The following GRIP1 variants were observed in gnomAD, a reference collection of about 807,000 sequenced individuals.
The protein encoded by GRIP1 is glutamate receptor-interacting protein 1.
Under a neutral mutation model 129.9 loss-of-function variants are expected in GRIP1, and 45 were observed. The ratio of observed to expected loss-of-function variants is 0.35; its 90% confidence interval spans 0.27 to 0.44. The LOEUF (loss-of-function observed/expected upper bound fraction) is 0.44. Among genes scored for constraint, GRIP1 ranks in the 20% least tolerant of loss-of-function variants. The pLI is 1.00. For missense variants in GRIP1, 1,196 were observed against 1,396.8 expected (o/e 0.86, Z 2.29); for synonymous variants, 530 against 520.8 (o/e 1.02, Z -0.24).
intron 1 of GRIP1, among the ~76,000 whole-genome samples, chr12:66,783,123 C>G (rs1218570378): frequency 6.6e-6 from 1 of 152,034 alleles, no homozygotes; most frequent in African/African-American, 2.4e-5. Context: ...CTCTGCCTCC[C>G]GGGTTCAAGC....
intron 13 of GRIP1, among the ~76,000 whole-genome samples, chr12:66,444,279 G>T (rs1035524091): frequency 1.3e-5 from 2 of 151,682 alleles, no homozygotes; most frequent in Non-Finnish European, 2.9e-5. Context: ...GAGGTCAGGA[G>T]ATCGAGACCA....
chr12:66,939,332 G>T (rs956625980), intron 1 of GRIP1, among the ~76,000 whole-genome samples: 2 of 148,630 alleles, frequency 1.3e-5, no homozygotes, highest in Non-Finnish European at 3.0e-5. Flanking sequence ...GGGCGACAGA[G>T]CAAGACCCTG....
intron 7 of GRIP1, among the ~76,000 whole-genome samples, chr12:66,479,432 C>G (rs1001324562): frequency 5.9e-5 from 9 of 152,046 alleles, no homozygotes; most frequent in Non-Finnish European, 1.2e-4. Flanking sequence ...AATTAATAGT[C>G]TACCAACCAA....
At chr12:66,378,551 G>A (rs528044699) in intron 20 of GRIP1, among the ~76,000 whole-genome samples, 231 of 151,976 alleles carry the variant, frequency 1.5e-3, no homozygotes, top group African/African-American at 5.4e-3. Context: ...GTTCGAGACC[G>A]GCCTGGTCAA....
At chr12:66,895,111 C>T (rs957266542) in intron 1 of GRIP1, among the ~76,000 whole-genome samples, 2 of 152,172 alleles carry the variant, frequency 1.3e-5, no homozygotes, top group African/African-American at 4.8e-5. Context: ...TTCACCACAC[C>T]CATTCTTGGG....
rs1357060639 is a variant in GRIP1, at chr12:66,825,696, C to T, written c.59-228769G>A. Among the ~76,000 whole-genome samples, 6 of 152,288 alleles carry T rather than the reference C, an allele frequency of 3.9e-5. No individual in the cohort carries two copies. The South Asian group carries it at 6.2e-4, about 16-fold the overall frequency. On this transcript the variant is annotated intron_variant, in intron 1 of 1. Coordinates refer to the GRIP1 transcript ENST00000643019. ...CTAACAAATGTCAGCTTTTCCTCTG[C>T]TGCTGCTCTTATTGTAATAGAATGA... is the stretch of plus-strand genomic sequence containing the variant.
intron 4 of GRIP1, among the ~76,000 whole-genome samples, chr12:66,534,789 G>T (rs1022345035): frequency 6.6e-6 from 1 of 152,040 alleles, no homozygotes. Context: ...TGCCTCCCAG[G>T]TTCAAGTGAT....
At chr12:66,828,563 T>C (rs2039458756) in intron 1 of GRIP1, among the ~76,000 whole-genome samples, 1 of 152,244 alleles carries the variant, frequency 6.6e-6, no homozygotes, top group South Asian at 2.1e-4. Flanking sequence ...CCCATCATTT[T>C]TCAATAGACA....
intron 1 of GRIP1, chr12:67,065,209 C>T (rs966266407): frequency 1.3e-5 from 2 of 151,830 alleles, no homozygotes; most frequent in African/African-American, 4.8e-5. Flanking sequence ...ATGGTGGTAA[C>T]ATGTCTGCAG....
At chr12:66,424,455 C>G (rs567383091) in intron 14 of GRIP1, among the ~76,000 whole-genome samples, 1 of 152,184 alleles carries the variant, frequency 6.6e-6, no homozygotes, top group African/African-American at 2.4e-5. Flanking sequence ...ACTATTACTA[C>G]CAAATTATTT....
chr12:66,856,243 A>C (rs1009746792), intron 1 of GRIP1, among the ~76,000 whole-genome samples: 1 of 152,176 alleles, frequency 6.6e-6, no homozygotes, highest in Non-Finnish European at 1.5e-5. Context: ...AAAGACTTAC[A>C]TGTTAGAACT....
chr12:66,507,556 G>A (rs1565809916), intron 7 of GRIP1, among the ~76,000 whole-genome samples: 1 of 152,064 alleles, frequency 6.6e-6, no homozygotes, highest in Non-Finnish European at 1.5e-5. Context: ...CTATAGCCAA[G>A]ATGCAGTTGT....
At chr12:66,474,604 A>T (rs1249545211) in intron 7 of GRIP1, among the ~76,000 whole-genome samples, 10 of 152,198 alleles carry the variant, frequency 6.6e-5, no homozygotes, top group Non-Finnish European at 1.5e-4. Context: ...CACAAAGGGA[A>T]GCCCATCAGA....
intron 8 of GRIP1, among the ~76,000 whole-genome samples, chr12:66,463,873 C>G (rs762333232): frequency 5.9e-5 from 9 of 152,144 alleles, no homozygotes; most frequent in African/African-American, 1.4e-4. Context: ...CTGGTTACCC[C>G]CTGTGGAATG....
At chr12:66,358,432 A>G (rs1034327334) in intron 23 of GRIP1, among the ~76,000 whole-genome samples, 3 of 152,012 alleles carry the variant, frequency 2.0e-5, no homozygotes, top group South Asian at 2.1e-4. Context: ...TTGTTGATTT[A>G]TATTCTATTC....
chr12:66,835,109 A>G (rs2039589767), intron 1 of GRIP1, among the ~76,000 whole-genome samples: 1 of 152,184 alleles, frequency 6.6e-6, no homozygotes, highest in Non-Finnish European at 1.5e-5. Flanking sequence ...AAACATATAA[A>G]GAATTTTTAA....
chr12:66,981,753 T>C (rs2042244897), intron 1 of GRIP1, among the ~76,000 whole-genome samples: 1 of 152,320 alleles, frequency 6.6e-6, no homozygotes, highest in East Asian at 1.9e-4. Context: ...CACTGTTCAA[T>C]TGGTGTAGGT....
At chr12:66,442,164 T>C (rs1166402281) in intron 13 of GRIP1, among the ~76,000 whole-genome samples, 1 of 152,246 alleles carries the variant, frequency 6.6e-6, no homozygotes, top group East Asian at 1.9e-4. Context: ...ACACTTGGAA[T>C]GTGATCTAAA....
intron 1 of GRIP1, among the ~76,000 whole-genome samples, chr12:66,752,346 A>C (rs941705705): frequency 6.6e-6 from 1 of 152,160 alleles, no homozygotes; most frequent in Non-Finnish European, 1.5e-5. Flanking sequence ...CTAAATTCAC[A>C]TGTATATTTA....
Sources: allele counts gnomAD v4.1 joint callset (sites outside exome capture counted in the v4.1 genomes callset), GRCh38; gene constraint gnomAD v4.1.1; transcripts MANE v1.5; gene names NCBI Gene and HGNC (gene_info 2026-07-23, HGNC 2026-07-21).